ASCC1: variants seen among roughly 807,000 people sequenced by gnomAD.
The protein encoded by ASCC1 is activating signal cointegrator 1 complex subunit 1, also known as ASC-1 complex subunit P50.
A neutral mutation model predicts 46.6 loss-of-function variants in ASCC1; 35 were observed. The observed-to-expected ratio is 0.75, with a 90% CI of 0.57 to 0.99. The LOEUF (loss-of-function observed/expected upper bound fraction) is 0.99, where lower values mean the gene tolerates loss of function less well. ASCC1 is among the 50% of genes least tolerant of loss of function. The pLI is 0.00. For synonymous variants in ASCC1, 143 were observed against 146.6 expected (o/e 0.98, Z 0.18); for missense variants, 376 against 428.7 (o/e 0.88, Z 1.09).
intron 7 of ASCC1, among the ~76,000 whole-genome samples, chr10:72,144,813 C>T (rs554594984): frequency 1.9e-4 from 29 of 152,152 alleles, no homozygotes; most frequent in Middle Eastern, 6.8e-3. Context: ...CATTTTTAAA[C>T]GCCCCCTTAA....
chr10:72,176,627 G>A (rs968376665), intron 5 of ASCC1, among the ~76,000 whole-genome samples: 2 of 152,086 alleles, frequency 1.3e-5, no homozygotes, highest in African/African-American at 4.8e-5. Context: ...TTACAGGTGT[G>A]AGCTACCATG....
rs765777322 is a variant in ASCC1 at position 72,148,189 on chromosome 10, T to A, written c.746+4680A>T. On this transcript the variant is annotated intron_variant, in intron 7 of 9. Transcript: ENST00000672957. ...AAATGATTTTATTAAATCTCAGCCCTTGAGTGCACATCTTTTAATATCCTG... is the reference window on the plus strand; with the variant it reads ...AAATGATTTTATTAAATCTCAGCCCATGAGTGCACATCTTTTAATATCCTG... Among the ~76,000 whole-genome samples the A allele has an allele frequency of 2.6e-5, 4 of 152,298 alleles. No homozygotes were observed. The South Asian group carries it at 6.2e-4, about 24-fold the overall frequency.
intron 7 of ASCC1, 177 bp from the exon 8 acceptor site, chr10:72,133,358 T>C: frequency 3.1e-6 from 2 of 652,616 alleles, no homozygotes; most frequent in Non-Finnish European, 5.4e-6. Context: ...AAGATCAGTC[T>C]TGTTTGTCTG....
chr10:72,136,156 G>C (rs1213381768), intron 7 of ASCC1, among the ~76,000 whole-genome samples: 2 of 152,158 alleles, frequency 1.3e-5, no homozygotes, highest in Admixed American at 1.3e-4. Context: ...CCAAGTTGTT[G>C]GGACTACAAG....
chr10:72,169,603 G>A (rs1850802825), intron 5 of ASCC1, among the ~76,000 whole-genome samples: 1 of 152,176 alleles, frequency 6.6e-6, no homozygotes, highest in African/African-American at 2.4e-5. Flanking sequence ...AGGGATGAAG[G>A]AGAAAGGGGC....
At chr10:72,119,761 C>A (rs1843966835) in intron 9 of ASCC1, among the ~76,000 whole-genome samples, 1 of 151,066 alleles carries the variant, frequency 6.6e-6, no homozygotes, top group Non-Finnish European at 1.5e-5. Flanking sequence ...AGAGACAGGG[C>A]AAACATCAGA....
chr10:72,213,696 C>A (rs754518835), intron 1 of ASCC1, among the ~76,000 whole-genome samples: 1 of 150,934 alleles, frequency 6.6e-6, no homozygotes, highest in African/African-American at 2.4e-5. Flanking sequence ...TTGGTTGAGG[C>A]TGGAGTTCAA....
intron 6 of ASCC1, 131 bp from the exon 7 acceptor site, chr10:72,153,119 G>GT (rs1417092051): frequency 1.7e-6 from 2 of 1,202,340 alleles, no homozygotes; most frequent in African/African-American, 3.1e-5. Context: ...TGGTAGTTGT[G>GT]TTTTTTCCTA....
chr10:72,142,147 A>C (rs1847093375), intron 7 of ASCC1, among the ~76,000 whole-genome samples: 1 of 152,146 alleles, frequency 6.6e-6, no homozygotes, highest in Admixed American at 6.5e-5. Context: ...TTATTTTTTG[A>C]AAGTTTCTTG....
At chr10:72,163,551 A>G (rs1849966394) in intron 5 of ASCC1, among the ~76,000 whole-genome samples, 1 of 152,138 alleles carries the variant, frequency 6.6e-6, no homozygotes, top group East Asian at 1.9e-4. Flanking sequence ...ACTGACCAAC[A>G]TGGCAAAACC....
chr10:72,204,979 T>C (rs946543015), intron 3 of ASCC1, among the ~76,000 whole-genome samples: 6 of 152,166 alleles, frequency 3.9e-5, no homozygotes, highest in African/African-American at 1.4e-4. Context: ...AGCAAAGTGG[T>C]TGAGGTTTAA....
chr10:72,111,164 G>A (rs575256703), intron 9 of ASCC1, among the ~76,000 whole-genome samples: 2 of 152,238 alleles, frequency 1.3e-5, no homozygotes, highest in East Asian at 3.9e-4. Context: ...CTCCGTGCAT[G>A]TCACAGTCAT....
rs961124288 is a variant in ASCC1 at position 72,204,504 on chromosome 10, G to A, written c.213-980C>T. On this transcript the variant is annotated intron_variant, in intron 3 of 9. Transcript: ENST00000672957. ...TCGTTTGATGTGTTCAAGTGAATGA[G>A]ACTACCGAATCCCAAGAGAGAAGTT... The A allele has an allele frequency of 5.8e-6, 9 of 1,548,534 alleles. No homozygotes were observed. The highest frequency in any genetic ancestry group is 1.4e-5 in the African/African-American group (1 of 72,932).
intron 9 of ASCC1, among the ~76,000 whole-genome samples, chr10:72,113,612 G>C (rs1379878301): frequency 6.6e-6 from 1 of 152,134 alleles, no homozygotes; most frequent in East Asian, 1.9e-4. Flanking sequence ...GCTTAGATTT[G>C]AATCTTCCTT....
At chr10:72,117,051 G>C (rs563784038) in intron 9 of ASCC1, among the ~76,000 whole-genome samples, 5 of 152,184 alleles carry the variant, frequency 3.3e-5, no homozygotes, top group Non-Finnish European at 7.3e-5. Flanking sequence ...TCCTGCCTCA[G>C]CCTCCCAAAG....
intron 4 of ASCC1, among the ~76,000 whole-genome samples, chr10:72,203,151 T>C (rs1856727885): frequency 6.6e-6 from 1 of 151,998 alleles, no homozygotes; most frequent in African/African-American, 2.4e-5. Flanking sequence ...CCAGGCGTGG[T>C]GGCACATGCC....
At chr10:72,108,980 G>A (rs1842639768) in intron 9 of ASCC1, among the ~76,000 whole-genome samples, 1 of 152,136 alleles carries the variant, frequency 6.6e-6, no homozygotes, top group Non-Finnish European at 1.5e-5. Context: ...AGACAATGAG[G>A]GTGGCAGGTA....
At chr10:72,101,211 T>C (rs914570435) in intron 9 of ASCC1, among the ~76,000 whole-genome samples, 1 of 152,186 alleles carries the variant, frequency 6.6e-6, no homozygotes, top group Non-Finnish European at 1.5e-5. Context: ...GCTGATGACC[T>C]GGGTGTGTCC....
intron 3 of ASCC1, among the ~76,000 whole-genome samples, chr10:72,204,204 G>A (rs956893745): frequency 3.9e-5 from 6 of 152,090 alleles, no homozygotes; most frequent in Admixed American, 2.6e-4. Context: ...AGCTGAGATC[G>A]CACCACTATA....
Sources: gnomAD v4.1 joint callset for allele counts (sites outside exome capture counted in the v4.1 genomes callset) on GRCh38, gnomAD v4.1.1 for gene constraint, MANE v1.5 for transcripts, NCBI Gene and HGNC (gene_info 2026-07-23, HGNC 2026-07-21) for gene names.